Variants in EIF3A observed in about 807,000 individuals in gnomAD.
EIF3A encodes the protein eukaryotic translation initiation factor 3 subunit A.
In EIF3A, 21 loss-of-function variants were observed where a neutral mutation model predicts 186.6. The observed-to-expected ratio is 0.11, with a 90% CI of 0.08 to 0.16. The LOEUF (loss-of-function observed/expected upper bound fraction) is 0.16, where lower values mean the gene tolerates loss of function less well. Among genes scored for constraint, EIF3A ranks in the 10% least tolerant of loss-of-function variants. The probability of loss-of-function intolerance (pLI) is 1.00; values close to 1 mark genes in which losing one functional copy is unlikely to be tolerated. For missense variants in EIF3A, 1,306 were observed against 1,796.3 expected, an observed-to-expected ratio of 0.73 and a Z score of 4.93; for synonymous variants, 563 against 584.3, an observed-to-expected ratio of 0.96 and a Z score of 0.52.
chr10:119,052,399 T>TGTGTGTGTGTGTGTGTGTGTGTGTGTG (rs1554870363), intron 14 of EIF3A, among the ~76,000 whole-genome samples: 121 of 149,052 alleles, frequency 8.1e-4, no homozygotes, highest in Middle Eastern at 3.4e-3. Context: ...TGTGTGTGTG[T>TGTGTGTGTGTGTGTGTGTGTGTGTGTG]TTTAAGACAG....
In EIF3A at chr10:119,059,664, A is replaced by G; in HGVS notation, c.1381T>C (p.Phe461Leu). The change falls in exon 10 of 22, where the codon TTT becomes CTT. Residue 461 changes from phenylalanine to leucine, a missense_variant. Phe to Leu is a conservative substitution (Grantham distance 22). Transcript: ENST00000369144. ...EFSRLTSLVP[F>L]VDAFQLERAI... ...CGTTCCAGTTGGAAAGCATCAACAA[A>G]AGGAACCAAAGAAGTCAAACGAGAA... 1 of 1,614,176 alleles carries G rather than the reference A, an allele frequency of 6.2e-7. No homozygotes were observed. Among genetic ancestry groups the G allele is most frequent in the Non-Finnish European group, 8.5e-7 (1 of 1,180,008 alleles).
At chr10:119,058,965 C>A (rs998864600) in intron 11 of EIF3A, among the ~76,000 whole-genome samples, 1 of 152,214 alleles carries the variant, frequency 6.6e-6, no homozygotes, top group Admixed American at 6.5e-5. Context: ...TATGTCCACT[C>A]TGTTGTTTCT....
chr10:119,067,176 A>AAGACTG (rs1260845981), intron 6 of EIF3A, among the ~76,000 whole-genome samples: 3 of 151,992 alleles, frequency 2.0e-5, no homozygotes, highest in African/African-American at 7.3e-5. Flanking sequence ...AGACTGCGCC[A>AAGACTG]TTGCACTCCA....
At chr10:119,074,875 G>A (rs1326447256) in intron 1 of EIF3A, among the ~76,000 whole-genome samples, 3 of 110,980 alleles carry the variant, frequency 2.7e-5, no homozygotes, top group African/African-American at 6.9e-5. Flanking sequence ...CTGAGATGGC[G>A]CCACTGCACT....
At chr10:119,056,515 G>GT (rs1010350775) in intron 14 of EIF3A, among the ~76,000 whole-genome samples, 1 of 152,166 alleles carries the variant, frequency 6.6e-6, no homozygotes, top group African/African-American at 2.4e-5. Flanking sequence ...ATATAAAGCA[G>GT]TTTTTTATAA....
intron 6 of EIF3A, 150 bp downstream of exon 6, chr10:119,069,296 G>A: frequency 5.0e-6 from 3 of 601,704 alleles, no homozygotes; most frequent in Non-Finnish European, 8.9e-6. Flanking sequence ...ACCACCTGCA[G>A]TACACAAGAC....
chr10:119,076,650 G>GT (rs1307840394), intron 1 of EIF3A, among the ~76,000 whole-genome samples: 1 of 152,068 alleles, frequency 6.6e-6, no homozygotes, highest in Non-Finnish European at 1.5e-5. Flanking sequence ...TTTCTAAAAT[G>GT]TAACAGTACA....
In EIF3A at chr10:119,057,028, A is replaced by G; in HGVS notation, c.1990T>C (p.Leu664=). The G allele has an allele frequency of 6.2e-7, 1 of 1,606,364 alleles. No homozygotes were observed. Among genetic ancestry groups the G allele is most frequent in the East Asian group, 2.2e-5 (1 of 44,798 alleles). Residue 664 remains leucine (L), a synonymous_variant, in exon 13 of 22, where the codon TTG becomes CTG. Coordinates refer to ENST00000369144, the MANE Select transcript of EIF3A (RefSeq NM_003750.4). ...TTAGCCATGATAAAATCTGGATCCA[A>G]TTCCTCAAGGTCCTGAAAGGTAATA... is the stretch of plus-strand genomic sequence containing the variant. ...KDIDIEDLEE[L]DPDFIMAKQV... is the part of the protein sequence containing the mutation.
intron 14 of EIF3A, among the ~76,000 whole-genome samples, chr10:119,052,365 G>GTTTT (rs1300913345): frequency 4.1e-5 from 1 of 24,510 alleles, no homozygotes; most frequent in African/African-American, 1.1e-4. Context: ...GTCTTTTTTG[G>GTTTT]TTTTGTGTGT....
At chr10:119,079,412 A>G (rs1436446667) in intron 1 of EIF3A, among the ~76,000 whole-genome samples, 2 of 152,212 alleles carry the variant, frequency 1.3e-5, no homozygotes, top group African/African-American at 2.4e-5. Flanking sequence ...CCATTTTCAT[A>G]AGATGAATTT....
At position 119,042,419 on chromosome 10, in the gene EIF3A, T is replaced by A; in HGVS notation, c.3101A>T (p.Glu1034Val). ...EDRGSWRTADEDRGPRRGMDD... is the reference protein window; with the variant it reads ...EDRGSWRTADVDRGPRRGMDD... ...CATCCCACGTCTTGGTCCTCTGTCC[T>A]CATCAGCTGTTCGCCAGCTTCCTCT... is the stretch of plus-strand genomic sequence containing the variant. The change falls in exon 19 of 22, where the codon GAG (glutamate) becomes GTG (valine). Residue 1034 changes from glutamate to valine, a missense_variant. By Grantham distance (121) the Glu-to-Val change is moderately radical (BLOSUM62 -2). This residue lies in a region of EIF3A where 410 missense variants were observed against 473.5 expected (regional missense o/e 0.87). Transcript: ENST00000369144. The surrounding 1 kb of genome is among the most constrained non-coding windows in gnomAD (Gnocchi z 7.8). 1.2e-6 allele frequency: 2 copies of A among 1,614,134 alleles called. No homozygotes were observed. The highest frequency in any genetic ancestry group is 1.7e-6 in the Non-Finnish European group (2 of 1,180,006).
chr10:119,043,002 G>A (rs1030015000), intron 18 of EIF3A, among the ~76,000 whole-genome samples: 11 of 151,262 alleles, frequency 7.3e-5, no homozygotes, highest in South Asian at 6.3e-4. Context: ...TAAGACATGC[G>A]GCTGGGCACA....
intron 17 of EIF3A, among the ~76,000 whole-genome samples, chr10:119,049,508 A>AAG (rs1554869980): frequency 8.6e-5 from 13 of 150,498 alleles, no homozygotes; most frequent in East Asian, 2.0e-4. Flanking sequence ...AAAAAAAAAA[A>AAG]AGAGAAAGAG....
At chr10:119,066,081 A>C (rs1241083221) in intron 6 of EIF3A, among the ~76,000 whole-genome samples, 3 of 151,706 alleles carry the variant, frequency 2.0e-5, no homozygotes, top group East Asian at 3.9e-4. Context: ...GCGCCACTGC[A>C]CTCCAGCCTG....
chr10:119,072,945 G>A lies in EIF3A; in HGVS notation c.486C>T (p.Asp162=), dbSNP rs775211735. 8 of 1,614,096 alleles carry A rather than the reference G, an allele frequency of 5.0e-6. No homozygotes were observed. Among genetic ancestry groups the A allele is most frequent in the African/African-American group, 1.3e-5 (1 of 75,022 alleles). The change falls in exon 4 of 22, where the codon GAC becomes GAT. Residue 162 remains aspartate (D), a synonymous_variant. Transcript: ENST00000369144. The part of the protein sequence containing the change: ...FLWESYRQCL[D]LLRNNSRVER... ...CTACTCTAGAATTGTTTCTAAGAAG[G>A]TCCAAACACTGCCTGTAAGACTCCC...
chr10:119,042,574 T>C lies in EIF3A; in HGVS notation c.2946A>G (p.Ala982=). ...TACGCCAGGAAGGCCGGTCATCGTCTGCCCCACGACGAGAGAACCTATCTT... is the reference window on the plus strand; with the variant it reads ...TACGCCAGGAAGGCCGGTCATCGTCCGCCCCACGACGAGAGAACCTATCTT... ...PEEDRFSRRG[A]DDDRPSWRNT... is the part of the protein sequence containing the mutation. The change falls in exon 19 of 22, where the codon GCA becomes GCG. Residue 982 remains alanine (A), a synonymous_variant. Coordinates refer to ENST00000369144, the MANE Select transcript of EIF3A (RefSeq NM_003750.4). The surrounding 1 kb of genome is among the most constrained non-coding windows in gnomAD (Gnocchi z 7.8). The C allele has an allele frequency of 6.2e-7, 1 of 1,614,128 alleles. No individual in the cohort carries two copies. The highest frequency in any genetic ancestry group is 8.5e-7 in the Non-Finnish European group (1 of 1,180,030).
In EIF3A at chr10:119,058,282, G is replaced by T; in HGVS notation, c.1651C>A (p.Gln551Lys). ...HILQEKEEQH[Q>K]LAVTAYLKNS... ...TTAAGGTATGCAGTGACAGCCAACT[G>T]ATGCTGTTCTTCTTTCTCTTGCTTC... The change falls in exon 12 of 22, where the codon CAG becomes AAG. Residue 551 changes from glutamine to lysine, a missense_variant. By Grantham distance (53) the Gln-to-Lys change is moderately conservative. This residue lies in a region of EIF3A where 44 missense variants were observed against 43.4 expected (regional missense o/e 1.01). Coordinates refer to ENST00000369144, the MANE Select transcript of EIF3A (RefSeq NM_003750.4). The T allele has an allele frequency of 6.3e-7, 1 of 1,591,390 alleles. No individual in the cohort carries two copies. The highest frequency in any genetic ancestry group is 2.2e-5 in the East Asian group (1 of 44,516).
intron 17 of EIF3A, among the ~76,000 whole-genome samples, chr10:119,047,802 C>T (rs1848300879): frequency 1.3e-5 from 2 of 152,226 alleles, no homozygotes; most frequent in East Asian, 1.9e-4. Flanking sequence ...GTAAGAATAA[C>T]ACAAACTGAA....
chr10:119,035,633 G>T lies in EIF3A; in HGVS notation c.*406C>A, dbSNP rs552713104. On this transcript the variant is annotated 3_prime_UTR_variant, in exon 22 of 22. Coordinates refer to ENST00000369144, the MANE Select transcript of EIF3A (RefSeq NM_003750.4). ...ATTGTTTCAGATTCACTGCTTTAAAGGGTCTTCAAATATATTTTAACAGAA... is the reference window on the plus strand; with the variant it reads ...ATTGTTTCAGATTCACTGCTTTAAATGGTCTTCAAATATATTTTAACAGAA... The T allele has an allele frequency of 6.1e-6, 1 of 162,604 alleles. No individual in the cohort carries two copies. Among genetic ancestry groups the T allele is most frequent in the South Asian group, 1.7e-4 (1 of 5,916 alleles). 10.1% of individuals were successfully genotyped at this position (162,604 alleles called of 1,614,324 possible).
Sources: gnomAD v4.1 joint callset for allele counts (sites outside exome capture counted in the v4.1 genomes callset) on GRCh38, gnomAD v4.1.1 for gene constraint, gnomAD v4.1.1 regional missense constraint, Gnocchi (gnomAD v3.1) non-coding constraint, MANE v1.5 for transcripts, NCBI Gene and HGNC (gene_info 2026-07-23, HGNC 2026-07-21) for gene names.